The following VPS37C variants were observed in gnomAD, a reference collection of about 807,000 sequenced individuals.
VPS37C encodes the protein vacuolar protein sorting-associated protein 37C.
Under a neutral mutation model 16.1 loss-of-function variants are expected in VPS37C, and 9 were observed. The observed-to-expected ratio is 0.56, with a 90% CI of 0.34 to 0.97. VPS37C has a LOEUF of 0.97. VPS37C is among the 50% of genes least tolerant of loss of function. The pLI is 0.02. For synonymous variants in VPS37C, 207 were observed against 206.4 expected (o/e 1.00, Z -0.02); for missense variants, 479 against 472.7 (o/e 1.01, Z -0.12).
At chr11:61,151,958 T>C (rs1256596742) in intron 1 of VPS37C, among the ~76,000 whole-genome samples, 1 of 152,212 alleles carries the variant, frequency 6.6e-6, no homozygotes, top group Admixed American at 6.5e-5. Context: ...CAACTTCCAC[T>C]TGTATCTCCT....
chr11:61,155,089 G>C (rs674379), intron 1 of VPS37C, among the ~76,000 whole-genome samples: 101,536 of 145,236 alleles, frequency 0.7, 36,023 homozygotes, highest in East Asian at 0.99. Flanking sequence ...GGATGACAGA[G>C]TGAGACTCTG....
chr11:61,138,900 T>C, intron 1 of VPS37C, 65 bp from the exon 2 acceptor site: 3 of 1,460,686 alleles, frequency 2.1e-6, no homozygotes, highest in Non-Finnish European at 1.9e-6. Context: ...CCCGAGCCTG[T>C]ACATATGATT....
In VPS37C at chr11:61,131,802, C is replaced by T. The variant is rs2232144; in HGVS notation, c.*18G>A. 4.1e-4 allele frequency: 517 copies of T among 1,248,236 alleles called. 1 individual carries two copies. The African/African-American group carries it at 7.3e-3, about 18-fold the overall frequency. The allele number at this position is 1,248,236 out of a possible 1,614,324, so 77.3% of individuals were successfully genotyped here. On this transcript the variant is annotated 3_prime_UTR_variant, in exon 5 of 5. Coordinates refer to ENST00000301765, the MANE Select transcript of VPS37C (RefSeq NM_017966.5). ...AGCGTGGGTGGGACTAGGGAGGGGC[C>T]GAGGGCCAGGAGTGTGTCTAATACC...
chr11:61,132,727 G>A, intron 4 of VPS37C, 188 bp from the exon 5 acceptor site: 1 of 797,186 alleles, frequency 1.3e-6, no homozygotes, highest in Non-Finnish European at 1.9e-6. Flanking sequence ...TCACTAGAAT[G>A]TCAGTCCCTT....
chr11:61,133,905 A>G, intron 3 of VPS37C, 131 bp downstream of exon 3: 1 of 1,113,280 alleles, frequency 9.0e-7, no homozygotes, highest in Non-Finnish European at 1.2e-6. Context: ...AAATGGAGTA[A>G]CAACAGTACC....
At chr11:61,147,813 C>T (rs1443594656) in intron 1 of VPS37C, among the ~76,000 whole-genome samples, 1 of 152,120 alleles carries the variant, frequency 6.6e-6, no homozygotes, top group African/African-American at 2.4e-5. Flanking sequence ...CACCCCTTGC[C>T]GCTAAGTGGT....
chr11:61,152,145 C>T (rs1322716159), intron 1 of VPS37C, among the ~76,000 whole-genome samples: 1 of 152,158 alleles, frequency 6.6e-6, no homozygotes, highest in Non-Finnish European at 1.5e-5. Context: ...GTGCACCGGT[C>T]ATGCAAGGTG....
intron 2 of VPS37C, among the ~76,000 whole-genome samples, chr11:61,138,024 C>T (rs988451194): frequency 6.6e-6 from 1 of 152,220 alleles, no homozygotes; most frequent in Non-Finnish European, 1.5e-5. Context: ...ACTCCAAATG[C>T]AAATCAAAGG....
intron 1 of VPS37C, among the ~76,000 whole-genome samples, chr11:61,142,312 G>T (rs1426770267): frequency 6.6e-6 from 1 of 152,158 alleles, no homozygotes; most frequent in Non-Finnish European, 1.5e-5. Flanking sequence ...GCTCACTTCA[G>T]CCTTAATCTC....
chr11:61,139,248 T>G (rs1861432484), intron 1 of VPS37C, among the ~76,000 whole-genome samples: 1 of 152,182 alleles, frequency 6.6e-6, no homozygotes, highest in South Asian at 2.1e-4. Context: ...AGGTGTCTAT[T>G]TCTGTCTGAA....
intron 1 of VPS37C, among the ~76,000 whole-genome samples, chr11:61,146,768 A>G (rs1175590148): frequency 1.3e-5 from 2 of 152,240 alleles, no homozygotes; most frequent in Non-Finnish European, 2.9e-5. Context: ...CTGGTTCCTC[A>G]CTACCAGCCC....
Position 61,138,777 on chromosome 11 carries a change from T to C in VPS37C, c.53A>G (p.Asp18Gly). ...TLQELEELQN[D>G]SEAIDQLALE... Reference sequence around the variant, plus strand: ...GGCCAGCTGGTCAATCGCCTCCGAGTCATTCTGCAACTCCTCCAGCTCCTG... The same window carrying C: ...GGCCAGCTGGTCAATCGCCTCCGAGCCATTCTGCAACTCCTCCAGCTCCTG... The change falls in exon 2 of 5, where the codon GAC becomes GGC. Residue 18 changes from aspartate (D) to glycine (G), a missense_variant. Transcript: ENST00000301765. 1 of 1,614,020 alleles carries C rather than the reference T, an allele frequency of 6.2e-7. No homozygotes were observed. Among genetic ancestry groups the C allele is most frequent in the South Asian group, 1.1e-5 (1 of 91,066 alleles).
chr11:61,138,773 C>T lies in VPS37C; in HGVS notation c.57G>A (p.Ser19=), dbSNP rs1221054746. The T allele has an allele frequency of 6.8e-6, 11 of 1,614,028 alleles. No homozygotes were observed. Among genetic ancestry groups the T allele is most frequent in the Middle Eastern group, 1.6e-4 (1 of 6,084 alleles). Residue 19 remains serine, a synonymous_variant, in exon 2 of 5, where the codon TCG becomes TCA. Coordinates refer to ENST00000301765, the MANE Select transcript of VPS37C (RefSeq NM_017966.5). ...LQELEELQND[S]EAIDQLALES... ...CCAGGGCCAGCTGGTCAATCGCCTC[C>T]GAGTCATTCTGCAACTCCTCCAGCT...
At chr11:61,133,101 GGCC>G (rs1364269923) in intron 4 of VPS37C, 151 bp downstream of exon 4, 3 of 822,076 alleles carry the variant, frequency 3.6e-6, no homozygotes, top group Non-Finnish European at 6.1e-6. Context: ...ATACCCAAAA[GGCC>G]TCCCCAGGAC....
chr11:61,142,199 C>T (rs1422784591), intron 1 of VPS37C, among the ~76,000 whole-genome samples: 1 of 152,224 alleles, frequency 6.6e-6, no homozygotes, highest in African/African-American at 2.4e-5. Flanking sequence ...TGGATTATAG[C>T]TATCGGTATT....
intron 3 of VPS37C, 81 bp from the exon 4 acceptor site, chr11:61,133,418 T>A: frequency 7.1e-7 from 1 of 1,410,188 alleles, no homozygotes; most frequent in Non-Finnish European, 9.8e-7. Flanking sequence ...ACCCTCTGTG[T>A]GCATCCAGGC....
intron 1 of VPS37C, among the ~76,000 whole-genome samples, chr11:61,158,854 G>A (rs1853420010): frequency 6.6e-6 from 1 of 152,192 alleles, no homozygotes; most frequent in Non-Finnish European, 1.5e-5. Context: ...ATTGGAAGGA[G>A]CACCTACTAA....
In VPS37C at chr11:61,133,261, C is replaced by A. The variant is rs968579462; in HGVS notation, c.342G>T (p.Glu114Asp). 1.2e-6 allele frequency: 2 copies of A among 1,614,184 alleles called. No homozygotes were observed. The highest frequency in any genetic ancestry group is 1.7e-6 in the Non-Finnish European group (2 of 1,180,032). The part of the protein sequence containing the change: ...LQVEGMKIEE[E>D]SEAMAEKFLE... The stretch of plus-strand genomic sequence containing the variant: ...TGTCGCCTCGCCCTCTCACCTCGGA[C>A]TCTTCTTCGATCTTCATGCCTTCCA... Residue 114 changes from glutamate (E) to aspartate (D), a missense_variant, in exon 4 of 5, where the codon GAG becomes GAT. Physicochemically the swap from Glu to Asp is conservative, Grantham distance 45. Coordinates refer to ENST00000301765, the MANE Select transcript of VPS37C (RefSeq NM_017966.5).
At chr11:61,150,940 T>C (rs1853289318) in intron 1 of VPS37C, among the ~76,000 whole-genome samples, 1 of 152,234 alleles carries the variant, frequency 6.6e-6, no homozygotes, top group South Asian at 2.1e-4. Context: ...GTCCAGAGGC[T>C]GGCCCGGGTG....
Sources: gnomAD v4.1 joint callset for allele counts (sites outside exome capture counted in the v4.1 genomes callset) on GRCh38, gnomAD v4.1.1 for gene constraint, MANE v1.5 for transcripts, NCBI Gene and HGNC (gene_info 2026-07-23, HGNC 2026-07-21) for gene names.